The following CTNNA3 variants were observed in gnomAD, a reference collection of about 807,000 sequenced individuals.
The protein encoded by CTNNA3 is catenin alpha 3.
A neutral mutation model predicts 95.7 loss-of-function variants in CTNNA3; 76 were observed. The ratio of observed to expected loss-of-function variants is 0.79; its 90% CI spans 0.66 to 0.96. The LOEUF (loss-of-function observed/expected upper bound fraction) is 0.96, where lower values mean the gene tolerates loss of function less well. Ranked by LOEUF, CTNNA3 falls within the 40% of genes least tolerant of loss-of-function variation. The probability of loss-of-function intolerance (pLI) is 0.00; values close to 1 mark genes in which losing one functional copy is unlikely to be tolerated. For missense variants in CTNNA3, 1,191 were observed against 1,089.8 expected (o/e 1.09, Z -1.31); for synonymous variants, 431 against 374.4 (o/e 1.15, Z -1.74).
chr10:67,559,769 A>G (rs1841417789), intron 3 of CTNNA3, among the ~76,000 whole-genome samples: 2 of 152,210 alleles, frequency 1.3e-5, no homozygotes, highest in African/African-American at 2.4e-5. Context: ...CAACTAGAAT[A>G]ACCAATACAG....
At chr10:66,445,157 A>C (rs28769907) in intron 11 of CTNNA3, among the ~76,000 whole-genome samples, 56,735 of 149,860 alleles carry the variant, frequency 0.38, 11,314 homozygotes, top group African/African-American at 0.5. Flanking sequence ...TACAGGAGCA[A>C]CCAGATTCAT....
chr10:66,862,320 T>C (rs536240363), intron 7 of CTNNA3, among the ~76,000 whole-genome samples: 1 of 152,350 alleles, frequency 6.6e-6, no homozygotes, highest in Non-Finnish European at 1.5e-5. Flanking sequence ...AAATTGGCTT[T>C]CATTATATGT....
chr10:67,657,221 G>T (rs1431294420), intron 1 of CTNNA3, among the ~76,000 whole-genome samples: 1 of 152,208 alleles, frequency 6.6e-6, no homozygotes, highest in Non-Finnish European at 1.5e-5. Context: ...GGGAATGGCT[G>T]CAAGAGGAGC....
At chr10:66,643,247 G>A (rs1455397520) in intron 9 of CTNNA3, among the ~76,000 whole-genome samples, 5 of 152,014 alleles carry the variant, frequency 3.3e-5, no homozygotes, top group Non-Finnish European at 5.9e-5. Flanking sequence ...TTATTTCCAA[G>A]TAGAAAATAT....
chr10:66,621,798 C>T lies in CTNNA3; in HGVS notation c.1282-14G>A. 3.9e-6 allele frequency: 6 copies of T among 1,524,194 alleles called. No individual in the cohort carries two copies. Among genetic ancestry groups the T allele is most frequent in the Non-Finnish European group, 5.4e-6 (6 of 1,110,012 alleles). The allele number at this position is 1,524,194 out of a possible 1,614,324, so 94.4% of individuals were successfully genotyped here. On this transcript the variant is annotated splice_polypyrimidine_tract_variant and intron_variant, in intron 9 of 17. Coordinates refer to ENST00000433211, the MANE Select transcript of CTNNA3 (RefSeq NM_013266.4). ...AAGATTTGCCACCTTAAATACAATC[C>T]AAAATAATGGAAATTATTTTAGATT...
At chr10:66,888,410 C>T (rs760786112) in intron 7 of CTNNA3, among the ~76,000 whole-genome samples, 25 of 152,074 alleles carry the variant, frequency 1.6e-4, no homozygotes, top group Non-Finnish European at 2.9e-4. Context: ...TCTGACATAC[C>T]GAACTATGAG....
At chr10:67,711,207 T>C (rs570465146) in intron 1 of CTNNA3, among the ~76,000 whole-genome samples, 1 of 152,290 alleles carries the variant, frequency 6.6e-6, no homozygotes, top group East Asian at 1.9e-4. Flanking sequence ...GAAAGTGGAC[T>C]AATAAAGTAA....
At chr10:66,881,841 C>A (rs1389938534) in intron 7 of CTNNA3, among the ~76,000 whole-genome samples, 1 of 152,080 alleles carries the variant, frequency 6.6e-6, no homozygotes, top group Non-Finnish European at 1.5e-5. Context: ...TAGGACTGAG[C>A]TTTTCTTTAA....
At chr10:67,233,721 G>C (rs1381117072) in intron 5 of CTNNA3, among the ~76,000 whole-genome samples, 3 of 150,132 alleles carry the variant, frequency 2.0e-5, no homozygotes, top group Admixed American at 2.0e-4. Context: ...ATGAATCCAG[G>C]AGCTGGTTTT....
At chr10:67,078,901 G>C (rs1358896886) in intron 7 of CTNNA3, among the ~76,000 whole-genome samples, 1 of 152,194 alleles carries the variant, frequency 6.6e-6, no homozygotes, top group Non-Finnish European at 1.5e-5. Context: ...CAAAAGCAGA[G>C]AGAGACAGAA....
intron 10 of CTNNA3, among the ~76,000 whole-genome samples, chr10:66,603,367 G>A (rs1448603202): frequency 1.3e-5 from 2 of 151,848 alleles, no homozygotes; most frequent in Non-Finnish European, 2.9e-5. Flanking sequence ...TCACACATAA[G>A]AATAAATTTA....
chr10:66,165,911 GC>G lies in CTNNA3; in HGVS notation c.1885-62663del, dbSNP rs1447196804. 9.2e-5 allele frequency among the ~76,000 whole-genome samples: 14 copies of G among 151,866 alleles called. No individual in the cohort carries two copies. The East Asian group carries it at 1.4e-3, about 15-fold the overall frequency. On this transcript the variant is annotated intron_variant, in intron 13 of 17. Transcript: ENST00000433211. ...GCCTCCCAAGTAGCTGGGATTACAGGCACCTGCCACCACACCTGGCTAATTT... is the reference window on the plus strand; with the variant it reads ...GCCTCCCAAGTAGCTGGGATTACAGGACCTGCCACCACACCTGGCTAATTT...
intron 5 of CTNNA3, among the ~76,000 whole-genome samples, chr10:67,250,034 G>C (rs1332106328): frequency 1.3e-5 from 2 of 152,078 alleles, no homozygotes; most frequent in Non-Finnish European, 2.9e-5. Flanking sequence ...GTAAATAGTT[G>C]TTATACTGTA....
intron 1 of CTNNA3, chr10:67,751,040 T>C: frequency 6.6e-7 from 1 of 1,519,812 alleles, no homozygotes; most frequent in Admixed American, 1.7e-5. Context: ...TCCATTTCCA[T>C]ATCCAGAGGA....
intron 7 of CTNNA3, among the ~76,000 whole-genome samples, chr10:67,144,610 A>T (rs1370595995): frequency 1.3e-5 from 2 of 152,166 alleles, no homozygotes; most frequent in Non-Finnish European, 2.9e-5. Flanking sequence ...TTATTTCCTT[A>T]CATGAAACAA....
chr10:67,648,347 G>A (rs1450330851), intron 1 of CTNNA3, among the ~76,000 whole-genome samples: 2 of 152,120 alleles, frequency 1.3e-5, no homozygotes, highest in African/African-American at 4.8e-5. Context: ...AAAAACTACA[G>A]TAAGTGTTAA....
At chr10:67,303,058 A>G (rs1840390741) in intron 5 of CTNNA3, among the ~76,000 whole-genome samples, 1 of 152,208 alleles carries the variant, frequency 6.6e-6, no homozygotes. Context: ...AGGCCTAACC[A>G]TCTGTATTGT....
chr10:67,742,550 G>A (rs187574008), intron 1 of CTNNA3, among the ~76,000 whole-genome samples: 1,798 of 151,110 alleles, frequency 0.012, 66 homozygotes, highest in African/African-American at 0.042. Context: ...GAGAAAGCAG[G>A]AAAGATCTAA....
At chr10:66,853,247 GAGTAT>G (rs1843558973) in intron 7 of CTNNA3, among the ~76,000 whole-genome samples, 2 of 152,054 alleles carry the variant, frequency 1.3e-5, no homozygotes, top group Non-Finnish European at 2.9e-5. Flanking sequence ...TTGCAGCAGA[GAGTAT>G]ATGGCTCACA....
Sources: gnomAD v4.1 joint callset for allele counts (sites outside exome capture counted in the v4.1 genomes callset) on GRCh38, gnomAD v4.1.1 for gene constraint, MANE v1.5 for transcripts, NCBI Gene and HGNC (gene_info 2026-07-23, HGNC 2026-07-21) for gene names.